Variants in COLEC12 observed in about 807,000 individuals in gnomAD.
COLEC12 encodes the protein collectin subfamily member 12, also known as collectin-12.
Under a neutral mutation model 71.1 loss-of-function variants are expected in COLEC12, and 33 were observed. The observed-to-expected ratio is 0.46, with a 90% CI of 0.35 to 0.62. COLEC12 has a LOEUF of 0.62. Among genes scored for constraint, COLEC12 ranks in the 20% least tolerant of loss-of-function variants. COLEC12 has a pLI of 0.00. For synonymous variants in COLEC12, 350 were observed against 353.0 expected, an observed-to-expected ratio of 0.99 and a Z score of 0.10; for missense variants, 765 against 916.1, an observed-to-expected ratio of 0.84 and a Z score of 2.13.
chr18:440,565 A>G (rs529055628), intron 2 of COLEC12, among the ~76,000 whole-genome samples: 1 of 152,344 alleles, frequency 6.6e-6, no homozygotes, highest in East Asian at 1.9e-4. Flanking sequence ...AGAATAGCAC[A>G]TATAGCAACA....
At chr18:435,474 G>A (rs974896671) in intron 2 of COLEC12, among the ~76,000 whole-genome samples, 3 of 152,072 alleles carry the variant, frequency 2.0e-5, no homozygotes, top group East Asian at 1.9e-4. Context: ...TGGGGAAACC[G>A]CCCCCATGAT....
chr18:384,994 C>T (rs1915313031), intron 2 of COLEC12, among the ~76,000 whole-genome samples: 1 of 152,190 alleles, frequency 6.6e-6, no homozygotes, highest in Admixed American at 6.5e-5. Flanking sequence ...AATGGCCTTG[C>T]TGTGGCAGCT....
chr18:413,655 C>T (rs1567900563), intron 2 of COLEC12, among the ~76,000 whole-genome samples: 1 of 152,200 alleles, frequency 6.6e-6, no homozygotes. Flanking sequence ...GAGACCCCAT[C>T]TCTATAAAAA....
At chr18:339,994 A>G (rs8098179) in intron 5 of COLEC12, among the ~76,000 whole-genome samples, 2,393 of 149,464 alleles carry the variant, frequency 0.016, 31 homozygotes, top group Middle Eastern at 0.034. Context: ...TTGCACTTGA[A>G]TCTTTTATTG....
chr18:399,442 C>A lies in COLEC12; in HGVS notation c.59-41920G>T, dbSNP rs1422280835. Among the ~76,000 whole-genome samples, 1 of 152,214 alleles carries A rather than the reference C, an allele frequency of 6.6e-6. No individual in the cohort carries two copies. The highest frequency in any genetic ancestry group is 1.5e-5 in the Non-Finnish European group (1 of 68,032). On this transcript the variant is annotated intron_variant, in intron 2 of 9. Transcript: ENST00000400256. This position sits in a 1 kb window ranked among gnomAD's most constrained non-coding sequence, Gnocchi z 4.0. ...ATAGCTGGAATCCTTCCTTGTCAAA[C>A]CAGCTCCAAGAGCAGGCCACACTCT...
chr18:322,367 G>T (rs2186845), intron 8 of COLEC12, among the ~76,000 whole-genome samples: 31,897 of 152,144 alleles, frequency 0.21, 3,490 homozygotes, highest in Admixed American at 0.29. Context: ...GATTGTCTGG[G>T]TGAGTTGTAG....
chr18:475,946 C>T (rs565830685), intron 2 of COLEC12, among the ~76,000 whole-genome samples: 20 of 152,268 alleles, frequency 1.3e-4, no homozygotes, highest in Admixed American at 1.3e-4. Flanking sequence ...TCGACATGCT[C>T]GGCACCGTGT....
chr18:409,457 G>A (rs1915851867), intron 2 of COLEC12, among the ~76,000 whole-genome samples: 1 of 152,132 alleles, frequency 6.6e-6, no homozygotes, highest in Non-Finnish European at 1.5e-5. Context: ...TCCACGAGGT[G>A]GAGGTTGCAG....
In COLEC12 at chr18:499,129, C is replaced by T. The variant is rs113111239; in HGVS notation, c.7+1379G>A. On this transcript the variant is annotated intron_variant, in intron 1 of 9. Coordinates refer to ENST00000400256, the MANE Select transcript of COLEC12 (RefSeq NM_130386.3). The stretch of plus-strand genomic sequence containing the variant: ...TTCCTTTCTAGGGAGTCTCCTCAAT[C>T]AGAGCCAGCTAAGGAATGTGTGTAT... Among the ~76,000 whole-genome samples the T allele has an allele frequency of 6.8e-3, 1,032 of 152,296 alleles. 14 individuals are homozygous for T. The highest frequency in any genetic ancestry group is 0.023 in the African/African-American group (974 of 41,554).
intron 2 of COLEC12, among the ~76,000 whole-genome samples, chr18:411,487 G>T (rs1242448846): frequency 6.6e-6 from 1 of 151,238 alleles, no homozygotes; most frequent in Non-Finnish European, 1.5e-5. Context: ...CAAACAAAGA[G>T]AAAAAAAAGC....
intron 3 of COLEC12, 144 bp downstream of exon 3, chr18:357,256 A>T: frequency 1.4e-6 from 1 of 712,666 alleles, no homozygotes; most frequent in African/African-American, 1.8e-5. Context: ...AGTTTAAGAT[A>T]CAGAGATGAA....
chr18:470,815 A>G (rs778634033), intron 2 of COLEC12, among the ~76,000 whole-genome samples: 61 of 152,210 alleles, frequency 4.0e-4, no homozygotes, highest in Non-Finnish European at 7.6e-4. Context: ...GTTATTTCTT[A>G]CATATTTAAA....
At chr18:471,241 G>A (rs112301770) in intron 2 of COLEC12, among the ~76,000 whole-genome samples, 10 of 152,058 alleles carry the variant, frequency 6.6e-5, no homozygotes, top group South Asian at 2.1e-4. Context: ...AGCAGAAAGC[G>A]TTTATAGTGA....
At chr18:459,734 C>A (rs1417254107) in intron 2 of COLEC12, among the ~76,000 whole-genome samples, 1 of 152,218 alleles carries the variant, frequency 6.6e-6, no homozygotes, top group East Asian at 1.9e-4. Flanking sequence ...GAATTTCCTG[C>A]CTCTCCCATG....
Position 480,743 on chromosome 18 carries a change from C to T in COLEC12, c.22G>A (p.Glu8Lys), listed in dbSNP as rs1468030743. MKDDFAE[E>K]EEVQSFGYKR... ...TAACCGAAGGATTGCACCTCCTCCT[C>T]CTCTGCGAAGTCGTCTGTGAGAGAA... Residue 8 changes from glutamate to lysine, a missense_variant, in exon 2 of 10, where the codon GAG (glutamate) becomes AAG (lysine). Coordinates refer to ENST00000400256, the MANE Select transcript of COLEC12 (RefSeq NM_130386.3). The surrounding 1 kb of genome is among the most constrained non-coding windows in gnomAD (Gnocchi z 4.1). The T allele has an allele frequency of 6.2e-7, 1 of 1,614,102 alleles. No individual in the cohort carries two copies. The highest frequency in any genetic ancestry group is 8.5e-7 in the Non-Finnish European group (1 of 1,179,992).
chr18:340,192 T>A (rs989774473), intron 5 of COLEC12, among the ~76,000 whole-genome samples: 5 of 151,768 alleles, frequency 3.3e-5, no homozygotes, highest in African/African-American at 1.2e-4. Context: ...ATGTCCTACG[T>A]GGAAGGACAT....
At position 486,824 on chromosome 18, in the gene COLEC12, T is replaced by C. The variant is rs187646629; in HGVS notation, c.8-6067A>G. On this transcript the variant is annotated intron_variant, in intron 1 of 9. Coordinates refer to ENST00000400256, the MANE Select transcript of COLEC12 (RefSeq NM_130386.3). ...TAACCAAAAAGATAGACAACAAGTG[T>C]TGGCAAAGATAGGGAGAAATCAGAA... Among the ~76,000 whole-genome samples the C allele has an allele frequency of 2.3e-3, 344 of 152,288 alleles. 2 individuals carry two copies. The highest frequency in any genetic ancestry group is 7.5e-3 in the African/African-American group (310 of 41,558).
chr18:334,966 G>T lies in COLEC12; in HGVS notation c.1592C>A (p.Pro531Gln), dbSNP rs369236821. 55 of 1,560,410 alleles carry T rather than the reference G, an allele frequency of 3.5e-5. No individual in the cohort carries two copies. The African/African-American group carries it at 6.6e-4, about 19-fold the overall frequency. ...GCCGGGGAGTCCCTCTTTGCCTGGT[G>T]GGCCCGGGGGGCCTGGGTCCCCACT... ...GSSGDPGPPG[P>Q]PGKEGLPGPQ... is the part of the protein sequence containing the mutation. The change falls in exon 6 of 10, where the codon CCA (proline) becomes CAA (glutamine). Residue 531 changes from proline to glutamine, a missense_variant. By Grantham distance (76) the Pro-to-Gln change is moderately conservative. Coordinates refer to ENST00000400256, the MANE Select transcript of COLEC12 (RefSeq NM_130386.3).
At chr18:435,260 T>C (rs560237007) in intron 2 of COLEC12, among the ~76,000 whole-genome samples, 40 of 152,272 alleles carry the variant, frequency 2.6e-4, no homozygotes, top group Non-Finnish European at 4.6e-4. Flanking sequence ...ACTGGGTAAT[T>C]TATAAAGGAA....
Sources: allele counts gnomAD v4.1 joint callset (sites outside exome capture counted in the v4.1 genomes callset), GRCh38; gene constraint gnomAD v4.1.1; non-coding constraint Gnocchi (gnomAD v3.1); transcripts MANE v1.5; gene names NCBI Gene and HGNC (gene_info 2026-07-23, HGNC 2026-07-21).